Variants in GPC5 observed in about 807,000 individuals in gnomAD.
GPC5 encodes the protein glypican 5.
In GPC5, 47 loss-of-function variants were observed where a neutral mutation model predicts 53.9. The observed-to-expected ratio is 0.87, with a 90% CI of 0.69 to 1.11. The LOEUF is 1.11. Among genes scored for constraint, GPC5 ranks in the 50% most tolerant of loss-of-function variants. The probability of loss-of-function intolerance (pLI) is 0.00; values close to 1 mark genes in which losing one functional copy is unlikely to be tolerated. For missense variants in GPC5, 748 were observed against 713.1 expected (o/e 1.05, Z -0.56); for synonymous variants, 286 against 263.3 (o/e 1.09, Z -0.84).
intron 2 of GPC5, among the ~76,000 whole-genome samples, chr13:91,487,481 G>A (rs754096345): frequency 6.6e-6 from 1 of 152,112 alleles, no homozygotes; most frequent in Non-Finnish European, 1.5e-5. Context: ...GGGATAGAAG[G>A]TTTTCTCTTT....
chr13:92,257,544 G>T (rs1384798043), intron 7 of GPC5, among the ~76,000 whole-genome samples: 1 of 54,804 alleles, frequency 1.8e-5, no homozygotes, highest in Admixed American at 1.9e-4. Context: ...TCTAATACAG[G>T]GATTTTTTTT....
chr13:91,897,448 C>A (rs2039454960), intron 5 of GPC5, among the ~76,000 whole-genome samples: 1 of 151,150 alleles, frequency 6.6e-6, no homozygotes, highest in Non-Finnish European at 1.5e-5. Context: ...CTTAAGAATC[C>A]TAAGTAATTT....
Position 92,759,708 on chromosome 13 carries a change from T to G in GPC5, c.1562-106574T>G, listed in dbSNP as rs1594487072. On this transcript the variant is annotated intron_variant, in intron 7 of 7. Transcript: ENST00000377067. ...TCTGATTTAAATATCTTTTATTTCTTTTTCTTGTCTAATTACTCTTGATAG... is the reference window on the plus strand; with the variant it reads ...TCTGATTTAAATATCTTTTATTTCTGTTTCTTGTCTAATTACTCTTGATAG... Among the ~76,000 whole-genome samples, 3 of 152,210 alleles carry G rather than the reference T, an allele frequency of 2.0e-5. No homozygotes were observed. The East Asian group carries it at 5.8e-4, about 29-fold the overall frequency.
intron 6 of GPC5, among the ~76,000 whole-genome samples, chr13:91,954,307 T>G (rs948685001): frequency 2.0e-5 from 3 of 152,174 alleles, no homozygotes; most frequent in African/African-American, 7.2e-5. Flanking sequence ...CAGCCCATTT[T>G]CTCTATGAAT....
Position 91,448,884 on chromosome 13 carries a change from T to G in GPC5, c.287T>G (p.Leu96Ter). ...QQFLQTSSST[L>*]KFLISRNAAA... ...TTTCTTCAAACGTCCAGCTCTACAT[T>G]AAAGTTTCTAATATCTCGAAATGCG... is the stretch of plus-strand genomic sequence containing the variant. Residue 96 changes from leucine to a stop codon, truncating the protein, a stop_gained, in exon 2 of 8, where the codon TTA becomes TGA. Transcript: ENST00000377067. LOFTEE classifies it high-confidence loss of function. The G allele has an allele frequency of 6.2e-7, 1 of 1,613,464 alleles. No individual in the cohort carries two copies. Among genetic ancestry groups the G allele is most frequent in the Non-Finnish European group, 8.5e-7 (1 of 1,179,660 alleles).
intron 7 of GPC5, among the ~76,000 whole-genome samples, chr13:92,782,755 C>CACTT (rs1190032355): frequency 6.6e-6 from 1 of 152,124 alleles, no homozygotes; most frequent in Non-Finnish European, 1.5e-5. Flanking sequence ...GAGCTTCAGA[C>CACTT]ACTTATGTAA....
intron 7 of GPC5, among the ~76,000 whole-genome samples, chr13:92,564,184 A>G (rs1882793228): frequency 6.6e-6 from 1 of 152,008 alleles, no homozygotes; most frequent in African/African-American, 2.4e-5. Flanking sequence ...TTCCAGTGCT[A>G]GTTGTTCAAA....
chr13:92,680,871 C>A (rs1887090632), intron 7 of GPC5, among the ~76,000 whole-genome samples: 1 of 152,136 alleles, frequency 6.6e-6, no homozygotes, highest in Non-Finnish European at 1.5e-5. Flanking sequence ...GTCTATCTAC[C>A]AACCTGTGTC....
intron 2 of GPC5, among the ~76,000 whole-genome samples, chr13:91,548,527 G>C (rs2030431319): frequency 6.6e-6 from 1 of 152,154 alleles, no homozygotes. Flanking sequence ...CAAAATGTCA[G>C]TTCTTCTAAT....
intron 3 of GPC5, among the ~76,000 whole-genome samples, chr13:91,720,938 A>G (rs1032173661): frequency 1.3e-5 from 2 of 152,032 alleles, no homozygotes; most frequent in African/African-American, 2.4e-5. Context: ...AGATCTTCCA[A>G]CTGGATCTCA....
chr13:91,454,513 C>A (rs1448572059), intron 2 of GPC5, among the ~76,000 whole-genome samples: 1 of 151,978 alleles, frequency 6.6e-6, no homozygotes, highest in Non-Finnish European at 1.5e-5. Context: ...TAAATCTTTT[C>A]AATGTAAGAA....
intron 2 of GPC5, among the ~76,000 whole-genome samples, chr13:91,480,954 G>C (rs1054939657): frequency 8.3e-6 from 1 of 120,086 alleles, no homozygotes; most frequent in African/African-American, 3.6e-5. Flanking sequence ...TTCTATCTTG[G>C]AGGTTTTTTT....
At chr13:92,305,890 A>G (rs1363459893) in intron 7 of GPC5, among the ~76,000 whole-genome samples, 1 of 152,212 alleles carries the variant, frequency 6.6e-6, no homozygotes, top group Non-Finnish European at 1.5e-5. Context: ...TCAGGGGAAT[A>G]GCTTTTAGGG....
intron 7 of GPC5, among the ~76,000 whole-genome samples, chr13:92,308,473 A>C (rs1476539220): frequency 6.6e-6 from 1 of 152,162 alleles, no homozygotes; most frequent in Non-Finnish European, 1.5e-5. Flanking sequence ...TTTCTGCAGA[A>C]CTCAAAATAC....
At chr13:92,239,084 A>G (rs2042590746) in intron 7 of GPC5, among the ~76,000 whole-genome samples, 1 of 151,648 alleles carries the variant, frequency 6.6e-6, no homozygotes, top group Non-Finnish European at 1.5e-5. Context: ...GACTCTCATT[A>G]GTACCACACT....
At chr13:92,014,628 T>C (rs938116408) in intron 6 of GPC5, among the ~76,000 whole-genome samples, 1 of 152,182 alleles carries the variant, frequency 6.6e-6, no homozygotes, top group African/African-American at 2.4e-5. Flanking sequence ...AATGTTACCA[T>C]ATTAATTTTC....
intron 7 of GPC5, among the ~76,000 whole-genome samples, chr13:92,734,511 T>C (rs894391348): frequency 6.6e-6 from 1 of 151,920 alleles, no homozygotes; most frequent in African/African-American, 2.4e-5. Context: ...ATGTGTGTAA[T>C]GAAAAATAAC....
intron 7 of GPC5, among the ~76,000 whole-genome samples, chr13:92,541,638 T>C (rs973109854): frequency 8.6e-5 from 13 of 152,008 alleles, no homozygotes; most frequent in African/African-American, 3.1e-4. Flanking sequence ...TGAAACCTAC[T>C]TTATTGATGT....
In GPC5 at chr13:91,426,281, C is replaced by T. The variant is rs192705480; in HGVS notation, c.164-22480C>T. Among the ~76,000 whole-genome samples the T allele has an allele frequency of 3.0e-3, 454 of 151,972 alleles. 16 individuals are homozygous for T. In the South Asian group the frequency reaches 0.079, roughly 26 times the overall value. On this transcript the variant is annotated intron_variant, in intron 1 of 7. Transcript: ENST00000377067. ...CTCCCGTCACAGGCCTGGAGTCCTA[C>T]AGGGGAAAATTGGTTTAGTGGGTAG...
Sources: gnomAD v4.1 joint callset for allele counts (sites outside exome capture counted in the v4.1 genomes callset) on GRCh38, gnomAD v4.1.1 for gene constraint, MANE v1.5 for transcripts, NCBI Gene and HGNC (gene_info 2026-07-23, HGNC 2026-07-21) for gene names.